Variants in TUBA4A observed in about 807,000 individuals in gnomAD.
The protein encoded by TUBA4A is tubulin alpha-4A chain.
TUBA4A carries 23 observed loss-of-function variants against 34.3 expected under a neutral mutation model. The observed-to-expected ratio is 0.67, with a 90% CI of 0.48 to 0.95. TUBA4A has a LOEUF of 0.95. TUBA4A is among the 40% of genes least tolerant of loss of function. The probability of loss-of-function intolerance (pLI) is 0.00; values close to 1 mark genes in which losing one functional copy is unlikely to be tolerated. For missense variants in TUBA4A, 279 were observed against 599.0 expected, an observed-to-expected ratio of 0.47 and a Z score of 5.58; for synonymous variants, 216 against 230.5, an observed-to-expected ratio of 0.94 and a Z score of 0.57.
Position 219,250,295 on chromosome 2 carries a change from T to C in TUBA4A, c.*57A>G. ...GGAACAAGAAACCGTGCAAGGAAAC[T>C]GTTTATTTCGAAAGGATTTTGCAAT... On this transcript the variant is annotated 3_prime_UTR_variant, in exon 4 of 4. Coordinates refer to ENST00000248437, the MANE Select transcript of TUBA4A (RefSeq NM_006000.3). The surrounding 1 kb of genome is among the most constrained non-coding windows in gnomAD (Gnocchi z 8.4). 6.5e-7 allele frequency: 1 copy of C among 1,547,542 alleles called. No individual in the cohort carries two copies. Among genetic ancestry groups the C allele is most frequent in the Non-Finnish European group, 8.7e-7 (1 of 1,147,026 alleles).
In TUBA4A at chr2:219,252,066, A is replaced by C; in HGVS notation, c.168T>G (p.Thr56=). The C allele has an allele frequency of 6.2e-7, 1 of 1,614,134 alleles. No individual in the cohort carries two copies. Among genetic ancestry groups the C allele is most frequent in the Non-Finnish European group, 8.5e-7 (1 of 1,180,022 alleles). ...CCCGGGGTACGTGTTTTCCAGCACCAGTTTCACAGAAGAAGGTGGTGAAGG... is the reference window on the plus strand; with the variant it reads ...CCCGGGGTACGTGTTTTCCAGCACCCGTTTCACAGAAGAAGGTGGTGAAGG... ...DDSFTTFFCE[T]GAGKHVPRAV... The change falls in exon 2 of 4, where the codon ACT becomes ACG. Residue 56 remains threonine, a synonymous_variant. Coordinates refer to ENST00000248437, the MANE Select transcript of TUBA4A (RefSeq NM_006000.3). This position sits in a 1 kb window ranked among gnomAD's most constrained non-coding sequence, Gnocchi z 4.1.
At chr2:219,253,217 G>T (rs545321458) in intron 1 of TUBA4A, 13 of 1,490,732 alleles carry the variant, frequency 8.7e-6, no homozygotes, top group Non-Finnish European at 1.2e-5. Context: ...ACCTGGCCTC[G>T]GCCCGCGCAG....
rs543921349 is a variant in TUBA4A at position 219,253,356 on chromosome 2, G to C, written c.3+500C>G. ...CTCAGACGCGGGGTGCTGAGTCACG[G>C]GGGGGGGGTGGTTCTGTGGATAGTT... On this transcript the variant is annotated intron_variant, in intron 1 of 3. Transcript: ENST00000248437. The C allele has an allele frequency of 5.7e-4, 832 of 1,462,320 alleles. 16 individuals are homozygous for C. The South Asian group carries it at 8.7e-3, about 15-fold the overall frequency. 90.6% of individuals were successfully genotyped at this position (1,462,320 alleles called of 1,614,324 possible).
intron 1 of TUBA4A, chr2:219,253,421 T>A (rs1217940277): frequency 6.6e-7 from 1 of 1,520,062 alleles, no homozygotes; most frequent in Non-Finnish European, 8.8e-7. Flanking sequence ...CGGCACCAGG[T>A]AACCTGACCC....
intron 1 of TUBA4A, chr2:219,253,354 C>CGGGG (rs60456844): frequency 6.9e-5 from 90 of 1,302,508 alleles, no homozygotes; most frequent in East Asian, 4.2e-4. Flanking sequence ...TGCTGAGTCA[C>CGGGG]GGGGGGGGGG....
At chr2:219,253,204 C>A (rs973825314) in intron 1 of TUBA4A, 27 of 1,494,806 alleles carry the variant, frequency 1.8e-5, no homozygotes, top group South Asian at 9.2e-5. Flanking sequence ...TCCCCTCCCC[C>A]CAACCTGGCC....
intron 1 of TUBA4A, chr2:219,253,298 G>A (rs970551511): frequency 6.6e-7 from 1 of 1,512,932 alleles, no homozygotes; most frequent in African/African-American, 1.4e-5. Context: ...CTCGCTTCAG[G>A]AGGCCGAACC....
At position 219,253,203 on chromosome 2, in the gene TUBA4A, C is replaced by T. The variant is rs1052397638; in HGVS notation, c.3+653G>A. On this transcript the variant is annotated intron_variant, in intron 1 of 3. Coordinates refer to ENST00000248437, the MANE Select transcript of TUBA4A (RefSeq NM_006000.3). Reference sequence around the variant, plus strand: ...CCTACATGCACCTCTCTCCCCTCCCCCCAACCTGGCCTCGGCCCGCGCAGT... The same window carrying T: ...CCTACATGCACCTCTCTCCCCTCCCTCCAACCTGGCCTCGGCCCGCGCAGT... The T allele has an allele frequency of 2.0e-6, 3 of 1,495,262 alleles. No individual in the cohort carries two copies. In the African/African-American group the frequency reaches 4.3e-5, roughly 21 times the overall value. The allele number at this position is 1,495,262 out of a possible 1,614,324, so 92.6% of individuals were successfully genotyped here.
upstream of TUBA4A, chr2:219,253,950 C>CGGGGGGG: frequency 2.2e-6 from 1 of 458,156 alleles, no homozygotes; most frequent in African/African-American, 2.1e-5. Flanking sequence ...CCCTTATAGG[C>CGGGGGGG]GGGGGGGGGG....
rs917847127 is a variant in TUBA4A, at chr2:219,252,806, C to T, written c.4-576G>A. 1 of 471,868 alleles carries T rather than the reference C, an allele frequency of 2.1e-6. No individual in the cohort carries two copies. The highest frequency in any genetic ancestry group is 4.4e-6 in the Non-Finnish European group (1 of 227,634). The allele number at this position is 471,868 out of a possible 1,614,324, so 29.2% of individuals were successfully genotyped here. The stretch of plus-strand genomic sequence containing the variant: ...CTTTCATCTCCCGTGTCAGCCCGCA[C>T]GGAAATAGCGGCGGTAATGCTTGTA... On this transcript the variant is annotated intron_variant, in intron 1 of 3. Transcript: ENST00000248437. This position sits in a 1 kb window ranked among gnomAD's most constrained non-coding sequence, Gnocchi z 4.1.
At position 219,252,544 on chromosome 2, in the gene TUBA4A, C is replaced by T. The variant is rs1175164980; in HGVS notation, c.4-314G>A. 6.6e-6 allele frequency among the ~76,000 whole-genome samples: 1 copy of T among 150,582 alleles called. No homozygotes were observed. The highest frequency in any genetic ancestry group is 1.5e-5 in the Non-Finnish European group (1 of 67,678). ...GGTATGGGTTTACAGCTAGAGGCCC[C>T]CCCCCCACTTGATTAATTATTTGCT... On this transcript the variant is annotated intron_variant, in intron 1 of 3. Transcript: ENST00000248437. The surrounding 1 kb of genome is among the most constrained non-coding windows in gnomAD (Gnocchi z 4.1).
chr2:219,251,291 C>T lies in TUBA4A; in HGVS notation c.408G>A (p.Leu136=), dbSNP rs372079932. The T allele has an allele frequency of 4.2e-5, 68 of 1,613,130 alleles. No homozygotes were observed. The African/African-American group carries it at 8.4e-4, about 20-fold the overall frequency. The change falls in exon 4 of 4, where the codon CTG becomes CTA. Residue 136 remains leucine, a synonymous_variant. Coordinates refer to ENST00000248437, the MANE Select transcript of TUBA4A (RefSeq NM_006000.3). This position sits in a 1 kb window ranked among gnomAD's most constrained non-coding sequence, Gnocchi z 6.1. ...TGCCCCCACCAAAGCTGTGGAACAC[C>T]AGGAAGCCCTGAAGTCCTGTGCACT... The part of the protein sequence containing the change: ...SDQCTGLQGF[L]VFHSFGGGTG...
Position 219,253,839 on chromosome 2 carries a change from G to A in TUBA4A, c.3+17C>T, listed in dbSNP as rs1158468363. On this transcript the variant is annotated intron_variant, in intron 1 of 3. Coordinates refer to ENST00000248437, the MANE Select transcript of TUBA4A (RefSeq NM_006000.3). ...GCAATTAGGGGACAGGCGCGACCCC[G>A]GCCGGGCCGCACTCACCATGGTGAG... 1.3e-6 allele frequency: 2 copies of A among 1,513,030 alleles called. No homozygotes were observed. Among genetic ancestry groups the A allele is most frequent in the Non-Finnish European group, 8.8e-7 (1 of 1,134,230 alleles). 93.7% of individuals were successfully genotyped at this position (1,513,030 alleles called of 1,614,324 possible).
rs755865739 is a variant in TUBA4A, at chr2:219,252,281, T to TC, written c.4-52dup. 112 of 1,534,486 alleles carry TC rather than the reference T, an allele frequency of 7.3e-5. No individual in the cohort carries two copies. The highest frequency in any genetic ancestry group is 1.4e-4 in the Admixed American group (8 of 58,096). On this transcript the variant is annotated intron_variant, in intron 1 of 3. Transcript: ENST00000248437. The surrounding 1 kb of genome is among the most constrained non-coding windows in gnomAD (Gnocchi z 4.1). ...GCATGAGCCCCACATCCACAAGTCC[T>TC]CACCTTGCGAGTCTCTCTTCCACCC...
chr2:219,252,829 G>A lies in TUBA4A; in HGVS notation c.4-599C>T, dbSNP rs977570132. ...CACGGAAATAGCGGCGGTAATGCTTGTAAGCTCAGACAGCAGGGGCCAGCA... is the reference window on the plus strand; with the variant it reads ...CACGGAAATAGCGGCGGTAATGCTTATAAGCTCAGACAGCAGGGGCCAGCA... On this transcript the variant is annotated intron_variant, in intron 1 of 3. Coordinates refer to ENST00000248437, the MANE Select transcript of TUBA4A (RefSeq NM_006000.3). The surrounding 1 kb of genome is among the most constrained non-coding windows in gnomAD (Gnocchi z 4.1). 7 of 471,836 alleles carry A rather than the reference G, an allele frequency of 1.5e-5. No individual in the cohort carries two copies. In the Admixed American group the frequency reaches 1.6e-4, roughly 11 times the overall value. 29.2% of individuals were successfully genotyped at this position (471,836 alleles called of 1,614,324 possible). A position where few individuals can be genotyped will look rare whatever the true frequency, so the allele number is the denominator to read the frequency against.
rs1003527769 is a variant in TUBA4A, at chr2:219,250,272, A to G, written c.*80T>C. 7.8e-6 allele frequency: 12 copies of G among 1,535,586 alleles called. No homozygotes were observed. In the African/African-American group the frequency reaches 1.5e-4, roughly 19 times the overall value. The stretch of plus-strand genomic sequence containing the variant: ...AGCAGAAGCTCAAGCACTCAGAGGG[A>G]ACAAGAAACCGTGCAAGGAAACTGT... On this transcript the variant is annotated 3_prime_UTR_variant, in exon 4 of 4. Transcript: ENST00000248437. The surrounding 1 kb of genome is among the most constrained non-coding windows in gnomAD (Gnocchi z 8.4).
Position 219,250,746 on chromosome 2 carries a change from A to G in TUBA4A, c.953T>C (p.Leu318Pro). 1 of 1,614,244 alleles carries G rather than the reference A, an allele frequency of 6.2e-7. No homozygotes were observed. The highest frequency in any genetic ancestry group is 8.5e-7 in the Non-Finnish European group (1 of 1,180,046). Residue 318 changes from leucine to proline, a missense_variant, in exon 4 of 4, where the codon CTG becomes CCG. Around this residue, in one of 3 missense-constraint regions of TUBA4A, gnomAD observed 108 missense variants for 299.9 expected, o/e 0.36. Coordinates refer to ENST00000248437, the MANE Select transcript of TUBA4A (RefSeq NM_006000.3). This position sits in a 1 kb window ranked among gnomAD's most constrained non-coding sequence, Gnocchi z 8.4. Reference sequence around the variant, plus strand: ...CTTGGGCACCACATCTCCACGGTACAGCAGGCAGCAGGCCATGTACTTGCC... The same window carrying G: ...CTTGGGCACCACATCTCCACGGTACGGCAGGCAGCAGGCCATGTACTTGCC... ...RHGKYMACCL[L>P]YRGDVVPKDV...
At position 219,250,530 on chromosome 2, in the gene TUBA4A, C is replaced by T. The variant is rs2125069024; in HGVS notation, c.1169G>A (p.Arg390His). 5 of 1,614,200 alleles carry T rather than the reference C, an allele frequency of 3.1e-6. No individual in the cohort carries two copies. The highest frequency in any genetic ancestry group is 4.2e-6 in the Non-Finnish European group (5 of 1,180,036). The change falls in exon 4 of 4, where the codon CGC becomes CAC. Residue 390 changes from arginine (R) to histidine (H), a missense_variant. Arg to His is a conservative substitution (Grantham distance 29, BLOSUM62 0). Coordinates refer to ENST00000248437, the MANE Select transcript of TUBA4A (RefSeq NM_006000.3). This position sits in a 1 kb window ranked among gnomAD's most constrained non-coding sequence, Gnocchi z 8.4. ...CATCAGGTCGAACTTGTGGTCCAGG[C>T]GGGCCCAGGCCTCGGCGATGGCGGT... Reference protein sequence around the residue: ...NTTAIAEAWARLDHKFDLMYA... With the variant: ...NTTAIAEAWAHLDHKFDLMYA...
In TUBA4A at chr2:219,251,614, G is replaced by A. The variant is rs1951649697; in HGVS notation, c.326C>T (p.Thr109Ile). The A allele has an allele frequency of 6.2e-7, 1 of 1,614,144 alleles. No homozygotes were observed. Among genetic ancestry groups the A allele is most frequent in the Non-Finnish European group, 8.5e-7 (1 of 1,180,016 alleles). Residue 109 changes from threonine (T) to isoleucine (I), a missense_variant, in exon 3 of 4, where the codon ACC (threonine) becomes ATC (isoleucine). By Grantham distance (89) the Thr-to-Ile change is moderately conservative. Transcript: ENST00000248437. The surrounding 1 kb of genome is among the most constrained non-coding windows in gnomAD (Gnocchi z 6.1). ...AANNYARGHY[T>I]IGKEIIDPVL... ...TGGGTCAATGATCTCCTTGCCAATG[G>A]TATAGTGACCACGGGCATAGTTGTT...
Sources: gnomAD v4.1 joint callset for allele counts (sites outside exome capture counted in the v4.1 genomes callset) on GRCh38, gnomAD v4.1.1 for gene constraint, gnomAD v4.1.1 regional missense constraint, Gnocchi (gnomAD v3.1) non-coding constraint, MANE v1.5 for transcripts, NCBI Gene and HGNC (gene_info 2026-07-23, HGNC 2026-07-21) for gene names.